Variants in AMD1 observed in about 807,000 individuals in gnomAD.
AMD1 encodes the protein S-adenosylmethionine decarboxylase proenzyme.
Under a neutral mutation model 40.2 loss-of-function variants are expected in AMD1, and 11 were observed. That is an observed-to-expected ratio of 0.27 (90% CI 0.17 to 0.45). AMD1 has a LOEUF of 0.45. Among genes scored for constraint, AMD1 ranks in the 20% least tolerant of loss-of-function variants. The pLI, the probability that AMD1 is intolerant of heterozygous loss-of-function variation, is 1.00. For synonymous variants in AMD1, 121 were observed against 130.8 expected, an observed-to-expected ratio of 0.93 and a Z score of 0.51; for missense variants, 257 against 410.2, an observed-to-expected ratio of 0.63 and a Z score of 3.23.
At chr6:110,850,312 A>C in the AMD1 span, among the ~76,000 whole-genome samples, 5 of 152,316 alleles carry the variant, frequency 3.3e-5, no homozygotes, top group South Asian at 8.3e-4. Context: ...GTAAACTCTT[A>C]GACGTTGGGA....
At chr6:110,820,387 C>T in the AMD1 span, among the ~76,000 whole-genome samples, 1 of 151,976 alleles carries the variant, frequency 6.6e-6, no homozygotes. Flanking sequence ...TAGGCATGCA[C>T]TCGCATGCCC....
intron 1 of AMD1, among the ~76,000 whole-genome samples, chr6:110,882,466 G>C (rs1785461027): frequency 6.6e-6 from 1 of 152,198 alleles, no homozygotes; most frequent in Non-Finnish European, 1.5e-5. Context: ...TTCCAGTAGA[G>C]CTTTATTTAC....
the AMD1 span, among the ~76,000 whole-genome samples, chr6:110,831,438 CAAA>C: frequency 2.7e-5 from 3 of 111,818 alleles, no homozygotes; most frequent in Non-Finnish European, 5.8e-5. Flanking sequence ...GACTCCGTCT[CAAA>C]AAAAAAAAAA....
At chr6:110,858,665 G>A in the AMD1 span, 6 of 1,093,028 alleles carry the variant, frequency 5.5e-6, no homozygotes, top group Admixed American at 9.5e-5. Context: ...GGTGGACATC[G>A]GCCTTAAGTA....
the AMD1 span, among the ~76,000 whole-genome samples, chr6:110,834,551 G>A: frequency 6.6e-6 from 1 of 151,978 alleles, no homozygotes; most frequent in East Asian, 1.9e-4. Flanking sequence ...CACTGAGTGT[G>A]GGGGCTTATG....
chr6:110,859,805 G>A, the AMD1 span, among the ~76,000 whole-genome samples: 2 of 152,218 alleles, frequency 1.3e-5, no homozygotes, highest in Admixed American at 6.5e-5. Context: ...CCTTCTCCAT[G>A]CTAACCACCC....
chr6:110,829,608 G>A, the AMD1 span, among the ~76,000 whole-genome samples: 5 of 152,010 alleles, frequency 3.3e-5, no homozygotes, highest in African/African-American at 1.2e-4. Flanking sequence ...GGCAGAGCTT[G>A]CAGTGAGCTG....
chr6:110,878,664 A>G (rs762154645), intron 1 of AMD1, among the ~76,000 whole-genome samples: 4 of 152,212 alleles, frequency 2.6e-5, no homozygotes, highest in Non-Finnish European at 5.9e-5. Context: ...TGTTGGATCA[A>G]AGTGCTGTAA....
the AMD1 span, among the ~76,000 whole-genome samples, chr6:110,816,194 A>C: frequency 6.6e-6 from 1 of 152,286 alleles, no homozygotes; most frequent in African/African-American, 2.4e-5. Context: ...GCTTTCTCTT[A>C]GCATATGCGG....
At chr6:110,885,338 C>G (rs1044074727) in intron 1 of AMD1, among the ~76,000 whole-genome samples, 28 of 152,192 alleles carry the variant, frequency 1.8e-4, no homozygotes, top group African/African-American at 6.8e-4. Context: ...GTCTCAAACT[C>G]CTGACCTCAG....
At chr6:110,883,442 G>T (rs958065129) in intron 1 of AMD1, among the ~76,000 whole-genome samples, 9 of 152,324 alleles carry the variant, frequency 5.9e-5, no homozygotes, top group African/African-American at 1.9e-4. Flanking sequence ...CCTCTGCAAA[G>T]AAAGAATGAG....
At chr6:110,845,705 C>T in the AMD1 span, among the ~76,000 whole-genome samples, 5 of 152,176 alleles carry the variant, frequency 3.3e-5, no homozygotes, top group Non-Finnish European at 7.3e-5. Context: ...CAGAAGGCTG[C>T]ACTGTCGGCT....
the AMD1 span, among the ~76,000 whole-genome samples, chr6:110,861,507 G>C: frequency 1.3e-5 from 2 of 149,670 alleles, no homozygotes; most frequent in Non-Finnish European, 3.0e-5. Context: ...CTGGGCAACA[G>C]AGTGAGACTC....
the AMD1 span, among the ~76,000 whole-genome samples, chr6:110,832,978 G>T: frequency 1.1e-4 from 16 of 152,034 alleles, no homozygotes. Context: ...CCACCACCAC[G>T]CCTGGCCAAT....
chr6:110,816,219 C>G, the AMD1 span, among the ~76,000 whole-genome samples: 1 of 152,190 alleles, frequency 6.6e-6, no homozygotes, highest in Non-Finnish European at 1.5e-5. Context: ...CATAACCAGG[C>G]TTTGGCCATC....
chr6:110,869,505 C>CTTTT, the AMD1 span, among the ~76,000 whole-genome samples: 3 of 143,882 alleles, frequency 2.1e-5, no homozygotes, highest in Non-Finnish European at 4.5e-5. Context: ...TTTACAGTTT[C>CTTTT]TTTTTTTTTT....
At chr6:110,868,349 C>T in the AMD1 span, among the ~76,000 whole-genome samples, 2 of 151,982 alleles carry the variant, frequency 1.3e-5, no homozygotes, top group African/African-American at 2.4e-5. Context: ...AGGGTTTCAA[C>T]CTTTTTAGCT....
At chr6:110,871,099 T>A (rs1010121068), upstream of AMD1, among the ~76,000 whole-genome samples, 1 of 152,156 alleles carries the variant, frequency 6.6e-6, no homozygotes, top group African/African-American at 2.4e-5. Context: ...AGAAAGTGAA[T>A]GGTAGAGATG....
At chr6:110,819,139 C>G in the AMD1 span, among the ~76,000 whole-genome samples, 1 of 152,146 alleles carries the variant, frequency 6.6e-6, no homozygotes, top group African/African-American at 2.4e-5. Context: ...GGGCGGATCA[C>G]CTCAGTCCAG....
Sources: gnomAD v4.1 joint callset for allele counts (sites outside exome capture counted in the v4.1 genomes callset) on GRCh38, gnomAD v4.1.1 for gene constraint, MANE v1.5 for transcripts, NCBI Gene and HGNC (gene_info 2026-07-23, HGNC 2026-07-21) for gene names.